The following NAA15 variants were observed in gnomAD, a reference collection of about 807,000 sequenced individuals.
NAA15 encodes the protein N-alpha-acetyltransferase 15, NatA auxiliary subunit.
A neutral mutation model predicts 114.0 loss-of-function variants in NAA15; 34 were observed. The observed-to-expected ratio is 0.30, with a 90% CI of 0.23 to 0.40. The LOEUF is 0.40. Ranked by LOEUF, NAA15 falls within the 10% of genes least tolerant of loss-of-function variation. The pLI is 1.00. For missense variants in NAA15, 658 were observed against 1,004.5 expected (o/e 0.66, Z 4.66); for synonymous variants, 340 against 338.0 (o/e 1.01, Z -0.06).
intron 17 of NAA15, among the ~76,000 whole-genome samples, chr4:139,381,473 A>G (rs1416439875): frequency 6.6e-6 from 1 of 151,870 alleles, no homozygotes; most frequent in African/African-American, 2.4e-5. Context: ...TGATCTGCAG[A>G]TATGTTTTTT....
At chr4:139,374,276 A>G (rs1455619243) in intron 15 of NAA15, among the ~76,000 whole-genome samples, 1 of 152,218 alleles carries the variant, frequency 6.6e-6, no homozygotes. Flanking sequence ...CTCATCCTAC[A>G]TGCATTTAAC....
At chr4:139,368,382 C>T (rs1748343479) in intron 14 of NAA15, among the ~76,000 whole-genome samples, 1 of 152,084 alleles carries the variant, frequency 6.6e-6, no homozygotes, top group Non-Finnish European at 1.5e-5. Flanking sequence ...TCGAGACCAG[C>T]CTCGTCAACA....
intron 1 of NAA15, among the ~76,000 whole-genome samples, chr4:139,331,374 C>T (rs1393325391): frequency 2.6e-5 from 4 of 152,046 alleles, no homozygotes; most frequent in African/African-American, 9.7e-5. Flanking sequence ...AGAACTTACT[C>T]ATTCACACAT....
chr4:139,320,829 G>GT (rs1746575082), intron 1 of NAA15, among the ~76,000 whole-genome samples: 1 of 152,026 alleles, frequency 6.6e-6, no homozygotes, highest in Non-Finnish European at 1.5e-5. Flanking sequence ...CCTCCCTGGT[G>GT]TTTTTTGAGA....
chr4:139,323,784 T>G (rs536172619), intron 1 of NAA15, among the ~76,000 whole-genome samples: 1 of 152,220 alleles, frequency 6.6e-6, no homozygotes, highest in Non-Finnish European at 1.5e-5. Flanking sequence ...ATGTTTACTT[T>G]CCAGTTTTAT....
In NAA15 at chr4:139,309,348, CAAAA is replaced by C. The variant is rs1185235574; in HGVS notation, c.54+7531_54+7534del. ...GGGGGACAAGAGTGAAACTTCGTCT[CAAAA>C]AAAAAAAAAAAAATCTAGTGAGAAG... On this transcript the variant is annotated intron_variant, in intron 1 of 19. Coordinates refer to ENST00000296543, the MANE Select transcript of NAA15 (RefSeq NM_057175.5). Among the ~76,000 whole-genome samples, 3 of 68,746 alleles carry C rather than the reference CAAAA, an allele frequency of 4.4e-5. No homozygotes were observed. The South Asian group carries it at 1.3e-3, about 30-fold the overall frequency. The allele number at this position is 68,746 out of a possible 152,430, so 45.1% of individuals were successfully genotyped here. A position where few individuals can be genotyped will look rare whatever the true frequency, so the allele number is the denominator to read the frequency against.
At chr4:139,342,032 GT>G (rs1036836668) in intron 4 of NAA15, among the ~76,000 whole-genome samples, 3 of 152,050 alleles carry the variant, frequency 2.0e-5, no homozygotes, top group Admixed American at 2.0e-4. Flanking sequence ...AAAAACAAAT[GT>G]TTTGTTTCTT....
At chr4:139,345,114 A>G (rs1377685444) in intron 6 of NAA15, among the ~76,000 whole-genome samples, 1 of 152,228 alleles carries the variant, frequency 6.6e-6, no homozygotes, top group Non-Finnish European at 1.5e-5. Flanking sequence ...GGTTGAACAC[A>G]AAAAGTATAA....
intron 2 of NAA15, among the ~76,000 whole-genome samples, chr4:139,336,220 T>A (rs1204992906): frequency 6.6e-6 from 1 of 152,200 alleles, no homozygotes; most frequent in Non-Finnish European, 1.5e-5. Flanking sequence ...TTTCACTTCC[T>A]TTAGGCTTCA....
At chr4:139,340,351 G>A (rs1017143165) in intron 3 of NAA15, among the ~76,000 whole-genome samples, 2 of 151,916 alleles carry the variant, frequency 1.3e-5, no homozygotes, top group Admixed American at 6.6e-5. Context: ...TAATAATTAC[G>A]GTTAAATGAA....
At chr4:139,349,709 G>A (rs975242617) in intron 7 of NAA15, 128 bp downstream of exon 7, 3 of 968,550 alleles carry the variant, frequency 3.1e-6, no homozygotes, top group Non-Finnish European at 3.0e-6. Flanking sequence ...TACAGGCCAA[G>A]CGCAGTGGCT....
intron 9 of NAA15, 140 bp downstream of exon 9, chr4:139,351,751 T>G (rs1747784990): frequency 6.2e-6 from 3 of 486,064 alleles, no homozygotes; most frequent in Non-Finnish European, 1.1e-5. Context: ...GTTTAAATGC[T>G]TCTGATTCCT....
In NAA15 at chr4:139,378,828, A is replaced by C. The variant is rs1748662141; in HGVS notation, c.2129A>C (p.Glu710Ala). 3 of 1,558,472 alleles carry C rather than the reference A, an allele frequency of 1.9e-6. No individual in the cohort carries two copies. Among genetic ancestry groups the C allele is most frequent in the Non-Finnish European group, 1.7e-6 (2 of 1,162,770 alleles). ...AIDSSHPWLH[E>A]CMIRLFNTAV... is the part of the protein sequence containing the mutation. Reference sequence around the variant, plus strand: ...GATTCTAGTCATCCCTGGCTTCATGAGTGTATGATTCGTCTCTTTAATACT... The same window carrying C: ...GATTCTAGTCATCCCTGGCTTCATGCGTGTATGATTCGTCTCTTTAATACT... Residue 710 changes from glutamate (E) to alanine (A), a missense_variant, in exon 17 of 20, where the codon GAG (glutamate) becomes GCG (alanine). This residue lies in a region of NAA15 where 275 missense variants were observed against 371.1 expected (regional missense o/e 0.74). Transcript: ENST00000296543.
intron 1 of NAA15, among the ~76,000 whole-genome samples, chr4:139,322,623 T>C (rs1746656136): frequency 6.6e-6 from 1 of 152,242 alleles, no homozygotes; most frequent in South Asian, 2.1e-4. Flanking sequence ...TTGGTAATTG[T>C]TCTTTGCCCA....
At chr4:139,317,477 T>C (rs1315241216) in intron 1 of NAA15, among the ~76,000 whole-genome samples, 1 of 152,088 alleles carries the variant, frequency 6.6e-6, no homozygotes, top group Non-Finnish European at 1.5e-5. Context: ...AAAAATTAGC[T>C]GGGCATGGTG....
Position 139,336,969 on chromosome 4 carries a change from A to C in NAA15, c.244+17A>C. 1 of 1,531,402 alleles carries C rather than the reference A, an allele frequency of 6.5e-7. No homozygotes were observed. Among genetic ancestry groups the C allele is most frequent in the Non-Finnish European group, 8.8e-7 (1 of 1,132,282 alleles). 94.9% of individuals were successfully genotyped at this position (1,531,402 alleles called of 1,614,324 possible). On this transcript the variant is annotated intron_variant, in intron 3 of 19. Transcript: ENST00000296543. ...GTCATGTGTGTATCCTTTTTGAGAT[A>C]TATTTAAGGTTTGAGTGGGGTGTTT...
chr4:139,360,675 GTT>G, intron 13 of NAA15, 47 bp downstream of exon 13: 1 of 1,494,062 alleles, frequency 6.7e-7, no homozygotes, highest in South Asian at 1.3e-5. Context: ...TCTGTCGATG[GTT>G]TTGGACAAAT....
intron 1 of NAA15, among the ~76,000 whole-genome samples, chr4:139,316,593 C>T (rs188540959): frequency 7.2e-5 from 11 of 151,942 alleles, no homozygotes; most frequent in African/African-American, 2.2e-4. Context: ...TCTCTGTAAG[C>T]GTTTTTGATG....
At chr4:139,308,398 T>C (rs1296318693) in intron 1 of NAA15, among the ~76,000 whole-genome samples, 1 of 152,230 alleles carries the variant, frequency 6.6e-6, no homozygotes, top group African/African-American at 2.4e-5. Context: ...TAGGTGTCCA[T>C]ATGCACATGA....
Sources: gnomAD v4.1 joint callset for allele counts (sites outside exome capture counted in the v4.1 genomes callset) on GRCh38, gnomAD v4.1.1 for gene constraint, gnomAD v4.1.1 regional missense constraint, MANE v1.5 for transcripts, NCBI Gene and HGNC (gene_info 2026-07-23, HGNC 2026-07-21) for gene names.